Variants in MYO5B observed in about 807,000 individuals in gnomAD.
The protein encoded by MYO5B is myosin VB.
Under a neutral mutation model 229.3 loss-of-function variants are expected in MYO5B, and 143 were observed. That is an observed-to-expected ratio of 0.62 (90% CI 0.54 to 0.72). The LOEUF (loss-of-function observed/expected upper bound fraction) is 0.72, where lower values mean the gene tolerates loss of function less well. MYO5B is among the 30% of genes least tolerant of loss of function. The pLI, the probability that MYO5B is intolerant of heterozygous loss-of-function variation, is 0.00. For missense variants in MYO5B, 2,321 were observed against 2,331.0 expected, an observed-to-expected ratio of 1.00 and a Z score of 0.09; for synonymous variants, 918 against 885.2, an observed-to-expected ratio of 1.04 and a Z score of -0.66.
intron 22 of MYO5B, among the ~76,000 whole-genome samples, chr18:49,891,578 G>T (rs56057350): frequency 2.6e-5 from 4 of 152,276 alleles, no homozygotes; most frequent in Non-Finnish European, 2.9e-5. Context: ...GCAAGACAAC[G>T]TCCTTCCAGA....
At chr18:50,083,531 C>CA (rs2031265849) in intron 1 of MYO5B, among the ~76,000 whole-genome samples, 1 of 152,150 alleles carries the variant, frequency 6.6e-6, no homozygotes, top group Admixed American at 6.5e-5. Flanking sequence ...AGCTGTGTGC[C>CA]AAGAACTGAG....
intron 6 of MYO5B, 63 bp downstream of exon 6, chr18:49,992,225 G>A (rs2025940591): frequency 1.2e-6 from 2 of 1,606,106 alleles, no homozygotes; most frequent in Non-Finnish European, 1.7e-6. Flanking sequence ...AGTGGGGCAG[G>A]GAGCAGAAGT....
At chr18:49,868,682 C>A (rs991918180) in intron 27 of MYO5B, among the ~76,000 whole-genome samples, 15 of 152,214 alleles carry the variant, frequency 9.9e-5, no homozygotes, top group Non-Finnish European at 1.9e-4. Flanking sequence ...CCTGCCCTCA[C>A]CATCCCTACC....
chr18:50,173,671 G>C (rs2032952427), intron 1 of MYO5B, among the ~76,000 whole-genome samples: 1 of 152,188 alleles, frequency 6.6e-6, no homozygotes, highest in Non-Finnish European at 1.5e-5. Context: ...ATGGAGTGGG[G>C]AAATCACAGA....
intron 25 of MYO5B, 128 bp from the exon 26 acceptor site, chr18:49,875,955 T>A: frequency 1.8e-6 from 2 of 1,112,042 alleles, no homozygotes; most frequent in South Asian, 2.6e-5. Flanking sequence ...TCAATTTGCA[T>A]CTCAAATACA....
chr18:49,849,933 C>T, intron 31 of MYO5B: 1 of 467,568 alleles, frequency 2.1e-6, no homozygotes. Flanking sequence ...AATCCCAAGC[C>T]TCCCCAAGCC....
At chr18:49,834,940 T>C (rs2023970083) in intron 39 of MYO5B, among the ~76,000 whole-genome samples, 1 of 152,214 alleles carries the variant, frequency 6.6e-6, no homozygotes, top group South Asian at 2.1e-4. Flanking sequence ...ACCTGGCCTA[T>C]ATTATAAGTC....
chr18:50,067,468 G>C (rs978704606), intron 1 of MYO5B, among the ~76,000 whole-genome samples: 1 of 152,166 alleles, frequency 6.6e-6, no homozygotes, highest in African/African-American at 2.4e-5. Context: ...TACTGCTATA[G>C]TTTGGATCTT....
At position 49,906,510 on chromosome 18, in the gene MYO5B, C is replaced by T; in HGVS notation, c.2323G>A (p.Val775Ile). 6.2e-7 allele frequency: 1 copy of T among 1,614,170 alleles called. No homozygotes were observed. Among genetic ancestry groups the T allele is most frequent in the Non-Finnish European group, 8.5e-7 (1 of 1,180,038 alleles). Residue 775 changes from valine (V) to isoleucine (I), a missense_variant, in exon 19 of 40, where the codon GTC (valine) becomes ATC (isoleucine). Around this residue, in one of 2 missense-constraint regions of MYO5B, gnomAD observed 2,113 missense variants for 2,044.7 expected, o/e 1.03. Coordinates refer to ENST00000285039, the MANE Select transcript of MYO5B (RefSeq NM_001080467.3). Reference sequence around the variant, plus strand: ...TTCACCTTCTGCAGCCATCCCCGGACAGTTTTCTGGATCATGATGGTGGCT... The same window carrying T: ...TTCACCTTCTGCAGCCATCCCCGGATAGTTTTCTGGATCATGATGGTGGCT... ...RTATIMIQKT[V>I]RGWLQKVKYH... is the part of the protein sequence containing the mutation.
At chr18:50,083,379 A>G (rs1192273541) in intron 1 of MYO5B, among the ~76,000 whole-genome samples, 2 of 152,180 alleles carry the variant, frequency 1.3e-5, no homozygotes, top group African/African-American at 4.8e-5. Flanking sequence ...GCAGTGGGAC[A>G]ATTCCAACCC....
intron 4 of MYO5B, among the ~76,000 whole-genome samples, chr18:50,024,285 T>G (rs1301186614): frequency 6.6e-6 from 1 of 152,166 alleles, no homozygotes; most frequent in Non-Finnish European, 1.5e-5. Context: ...TTCAAACACT[T>G]ATATTAACAT....
rs72928079 is a variant in MYO5B, at chr18:49,912,695, C to T, written c.2091-522G>A. On this transcript the variant is annotated intron_variant, in intron 17 of 39. Coordinates refer to ENST00000285039, the MANE Select transcript of MYO5B (RefSeq NM_001080467.3). ...GTTCCTTTGCTCCTCCTTTGTCTTC[C>T]GCCATGACTGTGAGTCCTCCCCAGC... 4.7e-3 allele frequency among the ~76,000 whole-genome samples: 718 copies of T among 152,258 alleles called. 5 individuals are homozygous for T. Among genetic ancestry groups the T allele is most frequent in the African/African-American group, 0.016 (662 of 41,550 alleles).
intron 1 of MYO5B, among the ~76,000 whole-genome samples, chr18:50,178,391 C>T (rs1010241145): frequency 6.6e-6 from 1 of 152,172 alleles, no homozygotes; most frequent in Admixed American, 6.6e-5. Flanking sequence ...CCACTGTTTG[C>T]CACAGTGAAT....
intron 16 of MYO5B, among the ~76,000 whole-genome samples, chr18:49,931,925 G>A (rs1014674602): frequency 4.6e-5 from 7 of 152,260 alleles, no homozygotes; most frequent in South Asian, 2.1e-4. Flanking sequence ...GCCAGCCACC[G>A]GCTTCTTTCC....
intron 1 of MYO5B, among the ~76,000 whole-genome samples, chr18:50,085,339 G>T (rs955618211): frequency 3.9e-5 from 6 of 152,186 alleles, no homozygotes; most frequent in Non-Finnish European, 5.9e-5. Flanking sequence ...GGCCATCAGA[G>T]AAATGCAAAT....
Position 49,878,872 on chromosome 18 carries a change from T to C in MYO5B, c.3276+73A>G, listed in dbSNP as rs2024555346. 6 of 1,551,518 alleles carry C rather than the reference T, an allele frequency of 3.9e-6. No individual in the cohort carries two copies. The East Asian group carries it at 6.8e-5, about 17-fold the overall frequency. Reference sequence around the variant, plus strand: ...GCATCACATATCAGAAAGCAGTGCCTGAGATCACGTGGTCAGAAGCTGGAC... The same window carrying C: ...GCATCACATATCAGAAAGCAGTGCCCGAGATCACGTGGTCAGAAGCTGGAC... On this transcript the variant is annotated intron_variant, in intron 24 of 39. Transcript: ENST00000285039.
chr18:49,974,511 G>C lies in MYO5B; in HGVS notation c.1161C>G (p.Thr387=). The C allele has an allele frequency of 1.9e-6, 3 of 1,614,154 alleles. No homozygotes were observed. The highest frequency in any genetic ancestry group is 2.5e-6 in the Non-Finnish European group (3 of 1,180,028). The change falls in exon 10 of 40, where the codon ACC becomes ACG. Residue 387 remains threonine, a synonymous_variant. Transcript: ENST00000285039. ...CHRKLVTTSE[T]YVKTMSLQQV... ...GCTGCAGGGACATGGTCTTGACGTA[G>C]GTCTCCGAGGTGGTGACCAGCTTGC...
At position 50,126,787 on chromosome 18, in the gene MYO5B, T is replaced by C. The variant is rs576564244; in HGVS notation, c.27+67980A>G. On this transcript the variant is annotated intron_variant, in intron 1 of 39. Coordinates refer to ENST00000285039, the MANE Select transcript of MYO5B (RefSeq NM_001080467.3). ...ACACTATGGCAGTGAAGAGCATGCA[T>C]GGTGAAGCCAGACTTCCTGGGCTTG... 2.6e-5 allele frequency among the ~76,000 whole-genome samples: 4 copies of C among 152,340 alleles called. No homozygotes were observed. In the South Asian group the frequency reaches 6.2e-4, roughly 24 times the overall value.
chr18:49,862,461 A>C (rs1213361612), intron 29 of MYO5B, among the ~76,000 whole-genome samples: 1 of 152,214 alleles, frequency 6.6e-6, no homozygotes, highest in East Asian at 1.9e-4. Flanking sequence ...AGCCACAGGA[A>C]GGATGCCGCT....
Sources: allele counts gnomAD v4.1 joint callset (sites outside exome capture counted in the v4.1 genomes callset), GRCh38; gene constraint gnomAD v4.1.1; regional missense constraint gnomAD v4.1.1; transcripts MANE v1.5; gene names NCBI Gene and HGNC (gene_info 2026-07-23, HGNC 2026-07-21).